BCO2: variants seen among roughly 807,000 people sequenced by gnomAD.
BCO2 encodes the protein beta-carotene oxygenase 2.
Under a neutral mutation model 65.8 loss-of-function variants are expected in BCO2, and 56 were observed. The observed-to-expected ratio is 0.85, with a 90% CI of 0.69 to 1.06. The LOEUF is 1.06. BCO2 is among the 50% of genes least tolerant of loss of function. The pLI, the probability that BCO2 is intolerant of heterozygous loss-of-function variation, is 0.00. For synonymous variants in BCO2, 233 were observed against 242.3 expected (o/e 0.96, Z 0.36); for missense variants, 675 against 698.5 (o/e 0.97, Z 0.38).
chr11:112,202,507 C>G (rs745509567), intron 8 of BCO2, among the ~76,000 whole-genome samples: 1 of 152,024 alleles, frequency 6.6e-6, no homozygotes, highest in African/African-American at 2.4e-5. Context: ...GTCTCGAACT[C>G]CTGACCTCGA....
intron 5 of BCO2, among the ~76,000 whole-genome samples, chr11:112,197,876 C>A (rs1005199221): frequency 2.6e-5 from 4 of 152,220 alleles, no homozygotes; most frequent in Non-Finnish European, 5.9e-5. Flanking sequence ...AATCGTGCTC[C>A]TGGCTGAGAA....
intron 8 of BCO2, chr11:112,208,705 C>T (rs918690168): frequency 1.4e-5 from 3 of 207,100 alleles, no homozygotes; most frequent in Non-Finnish European, 3.2e-5. Flanking sequence ...ACCCAATGTA[C>T]CAGAAGCTCT....
intron 5 of BCO2, among the ~76,000 whole-genome samples, chr11:112,196,184 A>G (rs922654694): frequency 6.6e-6 from 1 of 152,212 alleles, no homozygotes; most frequent in Non-Finnish European, 1.5e-5. Context: ...CCGTGAATTG[A>G]GTAATCCAGT....
intron 8 of BCO2, among the ~76,000 whole-genome samples, chr11:112,209,715 G>A (rs189631175): frequency 1.6e-4 from 24 of 152,238 alleles, no homozygotes; most frequent in African/African-American, 5.3e-4. Context: ...TGAACATGGT[G>A]AAGTACATTG....
chr11:112,181,768 C>G, intron 2 of BCO2: 3 of 848,292 alleles, frequency 3.5e-6, no homozygotes, highest in Non-Finnish European at 6.2e-6. Context: ...GCCGATCTTT[C>G]TTGTTTGGAC....
Position 112,175,595 on chromosome 11 carries a change from T to G in BCO2, c.-7T>G. ...TTTGGAAATCACTGGATCTGCTCAATACAAAAATGTTTTTTCGAGTCTTTC... is the reference window on the plus strand; with the variant it reads ...TTTGGAAATCACTGGATCTGCTCAAGACAAAAATGTTTTTTCGAGTCTTTC... On this transcript the variant is annotated 5_prime_UTR_variant, in exon 1 of 12. Coordinates refer to ENST00000357685, the MANE Select transcript of BCO2 (RefSeq NM_031938.7). The G allele has an allele frequency of 6.2e-7, 1 of 1,608,762 alleles. No homozygotes were observed. Among genetic ancestry groups the G allele is most frequent in the Non-Finnish European group, 8.5e-7 (1 of 1,175,118 alleles).
In BCO2 at chr11:112,218,179, T is replaced by C. The variant is rs1042972012; in HGVS notation, c.*305T>C. 4.7e-6 allele frequency: 1 copy of C among 213,404 alleles called. No individual in the cohort carries two copies. Among genetic ancestry groups the C allele is most frequent in the African/African-American group, 2.3e-5 (1 of 43,490 alleles). The allele number at this position is 213,404 out of a possible 1,614,324, so 13.2% of individuals were successfully genotyped here. ...AAAAGACAGAGCATAAAGGGCACCGTACCTCCCAAACCAATGTCCCAAATA... is the reference window on the plus strand; with the variant it reads ...AAAAGACAGAGCATAAAGGGCACCGCACCTCCCAAACCAATGTCCCAAATA... On this transcript the variant is annotated 3_prime_UTR_variant, in exon 12 of 12. Coordinates refer to ENST00000357685, the MANE Select transcript of BCO2 (RefSeq NM_031938.7).
intron 8 of BCO2, among the ~76,000 whole-genome samples, chr11:112,212,135 T>G (rs181727014): frequency 9.8e-5 from 15 of 152,302 alleles, no homozygotes. Context: ...AGAGATCATA[T>G]AGACTAGGTA....
In BCO2 at chr11:112,210,894, C is replaced by T. The variant is rs181883190; in HGVS notation, c.1195-2830C>T. Among the ~76,000 whole-genome samples the T allele has an allele frequency of 4.9e-3, 750 of 151,828 alleles. 5 individuals carry two copies. Among genetic ancestry groups the T allele is most frequent in the Admixed American group, 9.7e-3 (148 of 15,254 alleles). On this transcript the variant is annotated intron_variant, in intron 8 of 11. Transcript: ENST00000357685. ...CATTCCTACTGGCAAAAAAGGATGA[C>T]GAATATATGGGAAATCTCTGTATTA... is the stretch of plus-strand genomic sequence containing the variant.
intron 8 of BCO2, among the ~76,000 whole-genome samples, chr11:112,210,716 T>A (rs1424394864): frequency 6.6e-6 from 1 of 151,548 alleles, no homozygotes; most frequent in Admixed American, 6.6e-5. Context: ...GGTGGGTACA[T>A]GAATTTACAC....
At chr11:112,193,745 C>A in intron 3 of BCO2, 48 bp downstream of exon 3, 1 of 1,570,294 alleles carries the variant, frequency 6.4e-7, no homozygotes, top group Non-Finnish European at 8.7e-7. Flanking sequence ...ACCATCTATA[C>A]AAACATAAAT....
chr11:112,186,712 C>T (rs1016162711), intron 2 of BCO2, among the ~76,000 whole-genome samples: 1 of 152,116 alleles, frequency 6.6e-6, no homozygotes, highest in African/African-American at 2.4e-5. Context: ...TATGTGAAGG[C>T]TGGGTGTGGT....
chr11:112,175,533 C>A lies in BCO2; in HGVS notation c.-69C>A. ...GTCCAGGCAGTTCTGTGCGTGTTCA[C>A]TGTTTAGTAGTACTCAAAACTGCCA... On this transcript the variant is annotated 5_prime_UTR_variant, in exon 1 of 12. The change creates a new upstream start codon in the 5' untranslated region. Coordinates refer to ENST00000357685, the MANE Select transcript of BCO2 (RefSeq NM_031938.7). 1 of 1,142,472 alleles carries A rather than the reference C, an allele frequency of 8.8e-7. No homozygotes were observed. Among genetic ancestry groups the A allele is most frequent in the Non-Finnish European group, 1.3e-6 (1 of 755,516 alleles). The allele number at this position is 1,142,472 out of a possible 1,614,324, so 70.8% of individuals were successfully genotyped here. A position where few individuals can be genotyped will look rare whatever the true frequency, so the allele number is the denominator to read the frequency against.
chr11:112,216,101 G>T, intron 10 of BCO2, 119 bp from the exon 11 acceptor site: 1 of 698,466 alleles, frequency 1.4e-6, no homozygotes, highest in Non-Finnish European at 2.6e-6. Context: ...CATGAGCTTT[G>T]GAGGGGACAC....
intron 10 of BCO2, chr11:112,215,987 C>T: frequency 4.2e-6 from 2 of 474,764 alleles, no homozygotes; most frequent in East Asian, 6.8e-5. Context: ...CGAGAGCTCA[C>T]TTGTCACCAA....
At chr11:112,179,207 C>T (rs1866961504) in intron 1 of BCO2, 71 bp from the exon 2 acceptor site, 1 of 1,414,076 alleles carries the variant, frequency 7.1e-7, no homozygotes, top group African/African-American at 1.4e-5. Flanking sequence ...AGATTATTGT[C>T]TGTGGGAAAC....
intron 1 of BCO2, among the ~76,000 whole-genome samples, chr11:112,178,261 G>C (rs1245436852): frequency 1.3e-5 from 2 of 152,054 alleles, no homozygotes; most frequent in African/African-American, 4.8e-5. Context: ...AAGACATTCA[G>C]GGTGAAAGAG....
rs35527541 is a variant in BCO2 at position 112,213,131 on chromosome 11, C to CTTTTTTTTT, written c.1195-572_1195-564dup. ...TGTTTATTTGATGCTAATTAAATAA[C>CTTTTTTTTT]TTTTTTTTTTTTTTTTTTTTTTTTT... On this transcript the variant is annotated intron_variant, in intron 8 of 11. Coordinates refer to ENST00000357685, the MANE Select transcript of BCO2 (RefSeq NM_031938.7). 7.4e-4 allele frequency among the ~76,000 whole-genome samples: 47 copies of CTTTTTTTTT among 63,116 alleles called. 5 individuals carry two copies. Among genetic ancestry groups the CTTTTTTTTT allele is most frequent in the African/African-American group, 2.3e-3 (31 of 13,378 alleles). The allele number at this position is 63,116 out of a possible 152,430, so 41.4% of individuals were successfully genotyped here. A position where few individuals can be genotyped will look rare whatever the true frequency, so the allele number is the denominator to read the frequency against.
intron 10 of BCO2, chr11:112,215,883 C>T (rs1859662653): frequency 8.8e-6 from 2 of 227,588 alleles, no homozygotes; most frequent in African/African-American, 4.4e-5. Flanking sequence ...AAAGAGGGAG[C>T]CTCATGCCAC....
Sources: gnomAD v4.1 joint callset for allele counts (sites outside exome capture counted in the v4.1 genomes callset) on GRCh38, gnomAD v4.1.1 for gene constraint, MANE v1.5 for transcripts, NCBI Gene and HGNC (gene_info 2026-07-23, HGNC 2026-07-21) for gene names.